Variants in CDH10 observed in about 807,000 individuals in gnomAD.
The protein encoded by CDH10 is cadherin-10.
Under a neutral mutation model 73.1 loss-of-function variants are expected in CDH10, and 30 were observed. The ratio of observed to expected loss-of-function variants is 0.41; its 90% CI spans 0.31 to 0.56. The LOEUF is 0.56. Among genes scored for constraint, CDH10 ranks in the 20% least tolerant of loss-of-function variants. The pLI is 0.27. For missense variants in CDH10, 815 were observed against 973.7 expected, an observed-to-expected ratio of 0.84 and a Z score of 2.17; for synonymous variants, 345 against 348.2, an observed-to-expected ratio of 0.99 and a Z score of 0.10.
chr5:24,570,350 G>T (rs996788794), intron 2 of CDH10, among the ~76,000 whole-genome samples: 2 of 152,028 alleles, frequency 1.3e-5, no homozygotes, highest in South Asian at 2.1e-4. Flanking sequence ...ACAGTTGTAC[G>T]AAATCCCTTT....
intron 2 of CDH10, among the ~76,000 whole-genome samples, chr5:24,549,454 G>A (rs1289888520): frequency 6.6e-6 from 1 of 151,656 alleles, no homozygotes; most frequent in African/African-American, 2.4e-5. Context: ...AACTATGAAA[G>A]TACCTAGGAG....
In CDH10 at chr5:24,511,483, G is replaced by A. The variant is rs75801410; in HGVS notation, c.846C>T (p.Ser282=). 3.9e-5 allele frequency: 62 copies of A among 1,598,144 alleles called. No homozygotes were observed. In the East Asian group the frequency reaches 1.4e-3, roughly 35 times the overall value. The change falls in exon 6 of 12, where the codon TCC becomes TCT. Residue 282 remains serine, a synonymous_variant. Coordinates refer to ENST00000264463, the MANE Select transcript of CDH10 (RefSeq NM_006727.5). The part of the protein sequence containing the change: ...NTIHLRVLES[S]PVGTAIGSVK... ...CACTTCCAATGGCTGTGCCAACTGG[G>A]GAGGATTCAAGAACTCGAAGATGAA...
At chr5:24,495,781 G>A (rs1392085101) in intron 9 of CDH10, among the ~76,000 whole-genome samples, 1 of 151,604 alleles carries the variant, frequency 6.6e-6, no homozygotes, top group Non-Finnish European at 1.5e-5. Context: ...GAACCCAGGA[G>A]GCGGAGGTTG....
chr5:24,593,871 C>G (rs1746284072), intron 1 of CDH10, among the ~76,000 whole-genome samples: 1 of 151,612 alleles, frequency 6.6e-6, no homozygotes, highest in South Asian at 2.1e-4. Context: ...TTTCTTTTGG[C>G]ACTTTAACAG....
intron 5 of CDH10, among the ~76,000 whole-genome samples, chr5:24,525,298 T>G (rs1210598591): frequency 6.6e-6 from 1 of 152,040 alleles, no homozygotes; most frequent in African/African-American, 2.4e-5. Flanking sequence ...ACATTTACAT[T>G]AAAATTCTAC....
intron 5 of CDH10, among the ~76,000 whole-genome samples, chr5:24,523,453 T>TA (rs199796817): frequency 0.019 from 2,915 of 152,080 alleles, 97 homozygotes; most frequent in African/African-American, 0.067. Flanking sequence ...CAGTTTATGA[T>TA]AAAAAAATTA....
At chr5:24,598,927 G>A (rs1257266108) in intron 1 of CDH10, among the ~76,000 whole-genome samples, 2 of 152,150 alleles carry the variant, frequency 1.3e-5, no homozygotes, top group African/African-American at 4.8e-5. Context: ...TTTGGGGTCA[G>A]TGGGTAGATA....
At chr5:24,548,554 G>A (rs867200755) in intron 2 of CDH10, among the ~76,000 whole-genome samples, 4 of 145,678 alleles carry the variant, frequency 2.7e-5, no homozygotes, top group Non-Finnish European at 4.5e-5. Context: ...GGGGTCCAAT[G>A]GTATTATGGA....
At chr5:24,624,257 T>C (rs947450959) in intron 1 of CDH10, among the ~76,000 whole-genome samples, 4 of 152,176 alleles carry the variant, frequency 2.6e-5, no homozygotes, top group African/African-American at 9.7e-5. Flanking sequence ...CATTGTATTG[T>C]CTGATGCCAC....
At chr5:24,560,756 C>T (rs12697648) in intron 2 of CDH10, among the ~76,000 whole-genome samples, 126,024 of 152,102 alleles carry the variant, frequency 0.83, 52,246 homozygotes, top group East Asian at 0.91. Flanking sequence ...ATTTTTAGAC[C>T]AAAGCAACTT....
chr5:24,633,156 A>C (rs1747758761), intron 1 of CDH10, among the ~76,000 whole-genome samples: 2 of 151,700 alleles, frequency 1.3e-5, no homozygotes, highest in African/African-American at 4.8e-5. Flanking sequence ...GCAATCAATG[A>C]CTATTCTTGA....
chr5:24,575,910 T>G (rs551143893), intron 2 of CDH10, among the ~76,000 whole-genome samples: 9 of 152,156 alleles, frequency 5.9e-5, no homozygotes, highest in African/African-American at 2.2e-4. Context: ...TTTTTCTCTT[T>G]GGAGTTAACT....
intron 1 of CDH10, chr5:24,611,875 C>G (rs1400568679): frequency 6.6e-6 from 1 of 152,168 alleles, no homozygotes; most frequent in Non-Finnish European, 1.5e-5. Flanking sequence ...GAGTCAAGAA[C>G]TGACTGTGGC....
chr5:24,526,785 T>C (rs563737901), intron 5 of CDH10, among the ~76,000 whole-genome samples: 1 of 151,918 alleles, frequency 6.6e-6, no homozygotes, highest in East Asian at 1.9e-4. Flanking sequence ...CCTGATGCTG[T>C]CCGAAAAAAG....
chr5:24,503,986 C>A (rs1420028948), intron 8 of CDH10, among the ~76,000 whole-genome samples: 1 of 152,002 alleles, frequency 6.6e-6, no homozygotes, highest in Non-Finnish European at 1.5e-5. Flanking sequence ...GTGCAAGTGA[C>A]AAATTTAATG....
At chr5:24,635,565 T>A (rs181905844) in intron 1 of CDH10, among the ~76,000 whole-genome samples, 6 of 151,950 alleles carry the variant, frequency 3.9e-5, no homozygotes, top group Non-Finnish European at 7.4e-5. Context: ...CAACTGACAT[T>A]TTCACTCTTT....
intron 2 of CDH10, among the ~76,000 whole-genome samples, chr5:24,544,127 C>G (rs1045427027): frequency 6.6e-6 from 1 of 152,118 alleles, no homozygotes; most frequent in Non-Finnish European, 1.5e-5. Context: ...AACCCCGTCT[C>G]TACTAAAAAT....
intron 1 of CDH10, among the ~76,000 whole-genome samples, chr5:24,632,338 ATTT>A (rs1561206547): frequency 0.05 from 8 of 160 alleles, no homozygotes; most frequent in African/African-American, 0.16. Flanking sequence ...TATATACACC[ATTT>A]CAATTTCAAT....
intron 2 of CDH10, among the ~76,000 whole-genome samples, chr5:24,542,829 T>A (rs1253770351): frequency 6.6e-6 from 1 of 152,090 alleles, no homozygotes; most frequent in Non-Finnish European, 1.5e-5. Flanking sequence ...TCATTGAGGA[T>A]CTCTTGCTGG....
Sources: allele counts gnomAD v4.1 joint callset (sites outside exome capture counted in the v4.1 genomes callset), GRCh38; gene constraint gnomAD v4.1.1; transcripts MANE v1.5; gene names NCBI Gene and HGNC (gene_info 2026-07-23, HGNC 2026-07-21).